Variants in ADAM9 observed in about 807,000 individuals in gnomAD.
ADAM9 encodes the protein disintegrin and metalloproteinase domain-containing protein 9.
In ADAM9, 54 loss-of-function variants were observed where a neutral mutation model predicts 108.1. That is an observed-to-expected ratio of 0.50 (90% CI 0.40 to 0.63). The LOEUF (loss-of-function observed/expected upper bound fraction) is 0.63. Ranked by LOEUF, ADAM9 falls within the 20% of genes least tolerant of loss-of-function variation. The pLI is 0.00. For synonymous variants in ADAM9, 316 were observed against 336.0 expected (o/e 0.94, Z 0.65); for missense variants, 830 against 997.7 (o/e 0.83, Z 2.26).
chr8:39,069,296 C>T (rs777884759), intron 14 of ADAM9, among the ~76,000 whole-genome samples: 2 of 151,218 alleles, frequency 1.3e-5, no homozygotes, highest in South Asian at 2.1e-4. Context: ...AGGGAAAATA[C>T]GTGCATGTAT....
At chr8:39,003,225 TGGCAGTCTG>T (rs987151955) in intron 1 of ADAM9, among the ~76,000 whole-genome samples, 2 of 152,110 alleles carry the variant, frequency 1.3e-5, no homozygotes, top group East Asian at 1.9e-4. Flanking sequence ...TTTACTTCAT[TGGCAGTCTG>T]GGTAAAAAAT....
chr8:39,068,780 A>G (rs548235787), intron 14 of ADAM9, among the ~76,000 whole-genome samples: 44 of 145,758 alleles, frequency 3.0e-4, no homozygotes, highest in Admixed American at 2.5e-3. Context: ...GGACCTCAGT[A>G]TGAGGTAGGT....
Position 39,055,627 on chromosome 8 carries a change from T to A in ADAM9, c.1446T>A (p.Val482=). 1 of 1,613,796 alleles carries A rather than the reference T, an allele frequency of 6.2e-7. No homozygotes were observed. The highest frequency in any genetic ancestry group is 1.3e-5 in the African/African-American group (1 of 75,040). The change falls in exon 14 of 22, where the codon GTT becomes GTA. Residue 482 remains valine, a synonymous_variant. Transcript: ENST00000487273. ...LCRGKTSECD[V]PEYCNGSSQF... is the part of the protein sequence containing the mutation. ...GAGGAAAAACCAGTGAGTGTGATGT[T>A]CCAGAGTACTGCAATGGTTCTTCTC...
chr8:39,037,665 C>T (rs1837329630), intron 11 of ADAM9, among the ~76,000 whole-genome samples: 1 of 151,730 alleles, frequency 6.6e-6, no homozygotes, highest in East Asian at 1.9e-4. Context: ...GATCCTCTTG[C>T]CTTAGCTTCC....
intron 20 of ADAM9, among the ~76,000 whole-genome samples, chr8:39,093,635 G>C (rs1179531103): frequency 6.6e-6 from 1 of 152,194 alleles, no homozygotes. Context: ...TTGAGTAGAA[G>C]TGGTAGGAGT....
In ADAM9 at chr8:39,105,078, T is replaced by C; in HGVS notation, c.*1378T>C. ...AAAAAGTTATAATTTTAGATAAAAATTCTAGTCAAATTTTTACAGATATTA... is the reference window on the plus strand; with the variant it reads ...AAAAAGTTATAATTTTAGATAAAAACTCTAGTCAAATTTTTACAGATATTA... On this transcript the variant is annotated 3_prime_UTR_variant, in exon 22 of 22. Coordinates refer to ENST00000487273, the MANE Select transcript of ADAM9 (RefSeq NM_003816.3). The C allele has an allele frequency of 4.9e-6, 2 of 404,492 alleles. No individual in the cohort carries two copies. The highest frequency in any genetic ancestry group is 1.9e-5 in the South Asian group (1 of 53,830). 25.1% of individuals were successfully genotyped at this position (404,492 alleles called of 1,614,324 possible).
At chr8:39,088,755 A>C (rs558682966) in intron 18 of ADAM9, among the ~76,000 whole-genome samples, 2 of 152,330 alleles carry the variant, frequency 1.3e-5, no homozygotes, top group South Asian at 2.1e-4. Flanking sequence ...AAATTCAACT[A>C]TACAAAAATA....
chr8:39,038,206 T>A (rs1194039636), intron 11 of ADAM9, among the ~76,000 whole-genome samples: 1 of 152,180 alleles, frequency 6.6e-6, no homozygotes, highest in East Asian at 1.9e-4. Context: ...CAAATCACAT[T>A]ACTCCTGCAC....
chr8:39,088,270 C>CTTTT (rs35266733), intron 18 of ADAM9, among the ~76,000 whole-genome samples: 1 of 147,448 alleles, frequency 6.8e-6, no homozygotes, highest in Non-Finnish European at 1.5e-5. Context: ...TTTTATACAA[C>CTTTT]TTTTTTTTTT....
intron 20 of ADAM9, among the ~76,000 whole-genome samples, chr8:39,100,024 C>T (rs1839637346): frequency 1.3e-5 from 2 of 151,578 alleles, no homozygotes; most frequent in African/African-American, 2.4e-5. Flanking sequence ...GAATTACAGG[C>T]GTGCGCCATC....
chr8:39,006,004 C>T (rs1836149444), intron 1 of ADAM9, among the ~76,000 whole-genome samples: 1 of 152,190 alleles, frequency 6.6e-6, no homozygotes, highest in South Asian at 2.1e-4. Flanking sequence ...AATTCCTCTC[C>T]TCTTGAGGTC....
At chr8:39,080,948 GTTT>G (rs397808791) in intron 16 of ADAM9, among the ~76,000 whole-genome samples, 3 of 108,754 alleles carry the variant, frequency 2.8e-5, no homozygotes, top group Non-Finnish European at 1.8e-5. Context: ...CACTGTGAGA[GTTT>G]TTTTTTTTTT....
At chr8:39,012,477 C>T (rs935613490) in intron 3 of ADAM9, among the ~76,000 whole-genome samples, 1 of 152,178 alleles carries the variant, frequency 6.6e-6, no homozygotes, top group East Asian at 1.9e-4. Context: ...AATCATGCTG[C>T]TATAAAGACA....
At chr8:39,038,499 G>A (rs1034673184) in intron 11 of ADAM9, among the ~76,000 whole-genome samples, 1 of 152,066 alleles carries the variant, frequency 6.6e-6, no homozygotes, top group African/African-American at 2.4e-5. Context: ...CCTCTGCAGA[G>A]CTCATCACAC....
At chr8:39,086,517 A>G (rs554964800) in intron 18 of ADAM9, among the ~76,000 whole-genome samples, 18 of 152,290 alleles carry the variant, frequency 1.2e-4, no homozygotes, top group African/African-American at 4.1e-4. Context: ...TCTACATAAG[A>G]TGCTCAATCT....
rs114689946 is a variant in ADAM9, at chr8:39,002,768, C to G, written c.98-5118C>G. ...AAAGAAGTGCAACTAACACCTTTTCCTTTCTTTAAGATTAGACATGTTAAG... is the reference window on the plus strand; with the variant it reads ...AAAGAAGTGCAACTAACACCTTTTCGTTTCTTTAAGATTAGACATGTTAAG... On this transcript the variant is annotated intron_variant, in intron 1 of 21. Coordinates refer to ENST00000487273, the MANE Select transcript of ADAM9 (RefSeq NM_003816.3). Among the ~76,000 whole-genome samples, 736 of 152,312 alleles carry G rather than the reference C, an allele frequency of 4.8e-3. 1 individual carries two copies. Among genetic ancestry groups the G allele is most frequent in the African/African-American group, 0.017 (705 of 41,562 alleles).
intron 14 of ADAM9, among the ~76,000 whole-genome samples, chr8:39,065,533 G>A (rs201774054): frequency 2.0e-5 from 3 of 151,498 alleles, no homozygotes; most frequent in Admixed American, 6.6e-5. Flanking sequence ...GGTGGCAGGC[G>A]CCTGTATTCC....
intron 16 of ADAM9, among the ~76,000 whole-genome samples, chr8:39,079,516 G>C (rs1838953429): frequency 6.6e-6 from 1 of 151,682 alleles, no homozygotes; most frequent in Non-Finnish European, 1.5e-5. Context: ...CATATGAGAA[G>C]AATATTAACT....
intron 12 of ADAM9, among the ~76,000 whole-genome samples, chr8:39,050,938 T>C (rs1418322509): frequency 2.0e-5 from 3 of 151,422 alleles, no homozygotes; most frequent in Admixed American, 2.0e-4. Flanking sequence ...CTTTGTAGCC[T>C]TCAGGGGTCT....
Sources: gnomAD v4.1 joint callset for allele counts (sites outside exome capture counted in the v4.1 genomes callset) on GRCh38, gnomAD v4.1.1 for gene constraint, MANE v1.5 for transcripts, NCBI Gene and HGNC (gene_info 2026-07-23, HGNC 2026-07-21) for gene names.